ELMO1: variants seen among roughly 807,000 people sequenced by gnomAD.
ELMO1 encodes engulfment and cell motility protein 1.
ELMO1 carries 26 observed loss-of-function variants against 98.9 expected under a neutral mutation model. The observed-to-expected ratio is 0.26, with a 90% CI of 0.19 to 0.36. The LOEUF is 0.36. ELMO1 is among the 10% of genes least tolerant of loss of function. The pLI, the probability that ELMO1 is intolerant of heterozygous loss-of-function variation, is 1.00. For synonymous variants in ELMO1, 346 were observed against 346.0 expected (o/e 1.00, Z 0.00); for missense variants, 627 against 935.2 (o/e 0.67, Z 4.30).
intron 13 of ELMO1, among the ~76,000 whole-genome samples, chr7:37,188,437 C>T (rs1234711423): frequency 2.7e-5 from 1 of 37,550 alleles, no homozygotes; most frequent in African/African-American, 1.8e-4. Context: ...CACACACACA[C>T]ACACACACAC....
chr7:37,126,974 A>G (rs1786566806), intron 14 of ELMO1, among the ~76,000 whole-genome samples: 1 of 152,170 alleles, frequency 6.6e-6, no homozygotes, highest in African/African-American at 2.4e-5. Context: ...ATTTGCATGC[A>G]TTCGGATTTT....
chr7:37,154,371 C>G (rs1340250910), intron 13 of ELMO1, among the ~76,000 whole-genome samples: 1 of 151,698 alleles, frequency 6.6e-6, no homozygotes, highest in African/African-American at 2.4e-5. Context: ...CTTCTCCGAG[C>G]TAAAGGAGCA....
At chr7:37,406,173 G>A (rs372473882) in intron 1 of ELMO1, among the ~76,000 whole-genome samples, 19 of 152,156 alleles carry the variant, frequency 1.2e-4, no homozygotes, top group African/African-American at 4.6e-4. Flanking sequence ...TAATTAGTTT[G>A]GGAAACAGAA....
intron 16 of ELMO1, among the ~76,000 whole-genome samples, chr7:36,925,286 G>A (rs1014389236): frequency 9.2e-5 from 14 of 152,158 alleles, no homozygotes; most frequent in Admixed American, 2.0e-4. Context: ...AACAAACAAA[G>A]CGATCATTTT....
intron 13 of ELMO1, among the ~76,000 whole-genome samples, chr7:37,146,343 C>T (rs1787987123): frequency 6.6e-6 from 1 of 152,152 alleles, no homozygotes. Flanking sequence ...GCTTCTGGAC[C>T]ATACTATAAG....
chr7:37,009,949 A>G (rs73117555), intron 16 of ELMO1, among the ~76,000 whole-genome samples: 12,886 of 152,318 alleles, frequency 0.085, 713 homozygotes, highest in Middle Eastern at 0.18. Flanking sequence ...TTTAACTTTC[A>G]GCTCTTCTCT....
chr7:37,030,720 T>C (rs1375479362), intron 15 of ELMO1, among the ~76,000 whole-genome samples: 1 of 152,174 alleles, frequency 6.6e-6, no homozygotes, highest in African/African-American at 2.4e-5. Flanking sequence ...CCTTCATAGA[T>C]TTGTTTTTTG....
chr7:37,034,279 C>T (rs1795054192), intron 15 of ELMO1, among the ~76,000 whole-genome samples: 1 of 152,164 alleles, frequency 6.6e-6, no homozygotes, highest in African/African-American at 2.4e-5. Context: ...ACAATACAGA[C>T]ATGAACAGAG....
At chr7:37,160,008 A>C (rs1309552607) in intron 13 of ELMO1, among the ~76,000 whole-genome samples, 1 of 152,224 alleles carries the variant, frequency 6.6e-6, no homozygotes, top group East Asian at 1.9e-4. Flanking sequence ...AAGCACAATG[A>C]AACTAGTATC....
intron 10 of ELMO1, among the ~76,000 whole-genome samples, chr7:37,220,252 C>T (rs10225116): frequency 0.28 from 42,543 of 152,052 alleles, 6,599 homozygotes; most frequent in African/African-American, 0.41. Context: ...TGATGAACAA[C>T]ATTCTTAATT....
At chr7:36,913,010 T>A (rs547144131) in intron 16 of ELMO1, among the ~76,000 whole-genome samples, 9 of 152,318 alleles carry the variant, frequency 5.9e-5, no homozygotes, top group African/African-American at 1.9e-4. Context: ...AAGATTTATC[T>A]GAGGATCCAT....
intron 16 of ELMO1, among the ~76,000 whole-genome samples, chr7:36,949,878 GTGGCC>G (rs767486817): frequency 1.5e-4 from 23 of 152,280 alleles, no homozygotes; most frequent in Non-Finnish European, 2.6e-4. Flanking sequence ...GAACTACTGT[GTGGCC>G]TCATGCCAAT....
rs1194152989 is a variant in ELMO1, at chr7:37,096,619, G to A, written c.1300C>T (p.Pro434Ser). The change falls in exon 15 of 22, where the codon CCT becomes TCT. Residue 434 changes from proline to serine, a missense_variant and splice_region_variant. Physicochemically the swap from Pro to Ser is moderately conservative, Grantham distance 74. Transcript: ENST00000310758. Reference sequence around the variant, plus strand: ...CCATGTGGGAAATAAGTATACTTACGCAACTCGCCCACTTTCAAGATCTCA... The same window carrying A: ...CCATGTGGGAAATAAGTATACTTACACAACTCGCCCACTTTCAAGATCTCA... ...LCEILKVGEL[P>S]SETCNDFHPM... 11 of 1,613,596 alleles carry A rather than the reference G, an allele frequency of 6.8e-6. No homozygotes were observed. Among genetic ancestry groups the A allele is most frequent in the African/African-American group, 1.3e-5 (1 of 74,892 alleles).
chr7:37,196,196 G>A (rs1223923410), intron 13 of ELMO1, among the ~76,000 whole-genome samples: 3 of 152,210 alleles, frequency 2.0e-5, no homozygotes, highest in African/African-American at 7.2e-5. Context: ...TGTAAAGAGC[G>A]ACTGAGACCT....
chr7:37,277,062 G>A (rs1012981939), intron 4 of ELMO1, among the ~76,000 whole-genome samples: 1 of 152,216 alleles, frequency 6.6e-6, no homozygotes, highest in African/African-American at 2.4e-5. Flanking sequence ...GGACACCTAT[G>A]ACCTGGCACA....
At chr7:36,959,921 T>G (rs1219392688) in intron 16 of ELMO1, among the ~76,000 whole-genome samples, 3 of 152,166 alleles carry the variant, frequency 2.0e-5, no homozygotes, top group Non-Finnish European at 4.4e-5. Flanking sequence ...CCTCAAATGA[T>G]CTGTCCACCT....
At chr7:37,263,420 A>C (rs1408956944) in intron 5 of ELMO1, among the ~76,000 whole-genome samples, 4 of 152,210 alleles carry the variant, frequency 2.6e-5, no homozygotes, top group Non-Finnish European at 4.4e-5. Context: ...ATACAGCAAC[A>C]AATAAGACAG....
At chr7:37,370,585 G>C (rs1034579776) in intron 1 of ELMO1, among the ~76,000 whole-genome samples, 2 of 152,014 alleles carry the variant, frequency 1.3e-5, no homozygotes, top group African/African-American at 4.8e-5. Context: ...GAATCAATAT[G>C]AAAAGGACAA....
At chr7:36,949,228 T>G (rs1787765636) in intron 16 of ELMO1, among the ~76,000 whole-genome samples, 1 of 152,216 alleles carries the variant, frequency 6.6e-6, no homozygotes, top group South Asian at 2.1e-4. Context: ...CCATCTGCCT[T>G]GCATGATGAG....
Sources: allele counts gnomAD v4.1 joint callset (sites outside exome capture counted in the v4.1 genomes callset), GRCh38; gene constraint gnomAD v4.1.1; transcripts MANE v1.5; gene names NCBI Gene and HGNC (gene_info 2026-07-23, HGNC 2026-07-21).